Variants in RHBDD1 observed in about 807,000 individuals in gnomAD.
RHBDD1 encodes the protein rhomboid domain containing 1.
Under a neutral mutation model 36.3 loss-of-function variants are expected in RHBDD1, and 38 were observed. The ratio of observed to expected loss-of-function variants is 1.05; its 90% CI spans 0.81 to 1.37. The LOEUF (loss-of-function observed/expected upper bound fraction) is 1.37. RHBDD1 is among the 40% of genes most tolerant of loss of function. The pLI is 0.00. For missense variants in RHBDD1, 393 were observed against 377.6 expected, an observed-to-expected ratio of 1.04 and a Z score of -0.34; for synonymous variants, 151 against 136.5, an observed-to-expected ratio of 1.11 and a Z score of -0.74.
intron 8 of RHBDD1, among the ~76,000 whole-genome samples, chr2:226,917,876 T>C (rs1391201590): frequency 6.6e-6 from 1 of 151,876 alleles, no homozygotes; most frequent in Non-Finnish European, 1.5e-5. Context: ...AATAAATAAT[T>C]TTAAAAAGAA....
chr2:226,989,165 T>G (rs761175380), intron 8 of RHBDD1, among the ~76,000 whole-genome samples: 4 of 152,228 alleles, frequency 2.6e-5, no homozygotes, highest in Non-Finnish European at 4.4e-5. Context: ...CTTAAAATCT[T>G]TAAGCCTCAA....
the RHBDD1 span, among the ~76,000 whole-genome samples, chr2:226,813,413 T>G: frequency 1.3e-5 from 2 of 152,156 alleles, no homozygotes; most frequent in African/African-American, 4.8e-5. Context: ...CTTGTGGTTT[T>G]GGGGGATGGC....
intron 5 of RHBDD1, among the ~76,000 whole-genome samples, chr2:226,885,670 A>G (rs1165608262): frequency 6.6e-6 from 1 of 152,224 alleles, no homozygotes; most frequent in Non-Finnish European, 1.5e-5. Flanking sequence ...TTGTGGAATT[A>G]TTGGTATTAT....
At chr2:226,896,938 G>A (rs1421808639) in intron 5 of RHBDD1, among the ~76,000 whole-genome samples, 1 of 152,008 alleles carries the variant, frequency 6.6e-6, no homozygotes, top group Non-Finnish European at 1.5e-5. Context: ...AAGTAGCTGG[G>A]ACAACAGGCA....
chr2:226,912,565 A>C (rs1280981517), intron 7 of RHBDD1, among the ~76,000 whole-genome samples: 1 of 152,192 alleles, frequency 6.6e-6, no homozygotes, highest in African/African-American at 2.4e-5. Context: ...AAAATTGATG[A>C]ACCTGGAAAA....
At chr2:226,988,531 T>C in intron 8 of RHBDD1, 1 of 1,467,690 alleles carries the variant, frequency 6.8e-7, no homozygotes, top group African/African-American at 1.4e-5. Context: ...CTGCCCGCAC[T>C]GTGCCAGGCT....
chr2:226,974,050 G>A (rs1038194919), intron 8 of RHBDD1, among the ~76,000 whole-genome samples: 2 of 152,048 alleles, frequency 1.3e-5, no homozygotes, highest in Non-Finnish European at 2.9e-5. Flanking sequence ...AGTTTGTCAG[G>A]CTTTGACAGA....
intron 3 of RHBDD1, among the ~76,000 whole-genome samples, chr2:226,858,567 G>A (rs1943544457): frequency 6.6e-6 from 1 of 152,148 alleles, no homozygotes; most frequent in African/African-American, 2.4e-5. Context: ...TCTGGAAATT[G>A]AGATATATAC....
chr2:226,815,902 TTAAAG>T, the RHBDD1 span, among the ~76,000 whole-genome samples: 4,624 of 152,318 alleles, frequency 0.03, 214 homozygotes, highest in African/African-American at 0.099. Context: ...CCTTTAGACA[TTAAAG>T]TAAAGTTGGA....
At chr2:226,883,394 AG>A (rs1375442294) in intron 5 of RHBDD1, among the ~76,000 whole-genome samples, 1 of 152,238 alleles carries the variant, frequency 6.6e-6, no homozygotes, top group East Asian at 1.9e-4. Flanking sequence ...TACCAACCAG[AG>A]GGGGCCAGCC....
At chr2:226,945,803 A>G (rs879762806) in intron 8 of RHBDD1, among the ~76,000 whole-genome samples, 1 of 152,124 alleles carries the variant, frequency 6.6e-6, no homozygotes, top group Non-Finnish European at 1.5e-5. Flanking sequence ...GTTTCTCCAC[A>G]TCCTCTCCAG....
chr2:226,990,764 A>G (rs1958007592), intron 8 of RHBDD1, among the ~76,000 whole-genome samples: 1 of 152,216 alleles, frequency 6.6e-6, no homozygotes, highest in Admixed American at 6.5e-5. Flanking sequence ...GAGGTAAATC[A>G]TCTTAACACG....
chr2:226,935,718 A>G (rs1460755374), intron 8 of RHBDD1, among the ~76,000 whole-genome samples: 2 of 152,036 alleles, frequency 1.3e-5, no homozygotes, highest in Non-Finnish European at 2.9e-5. Flanking sequence ...GAACATAGCT[A>G]AAAAGAGATG....
At chr2:226,883,237 A>G (rs1251917663) in intron 5 of RHBDD1, among the ~76,000 whole-genome samples, 7 of 152,234 alleles carry the variant, frequency 4.6e-5, no homozygotes, top group African/African-American at 1.7e-4. Context: ...AATTAGCCAC[A>G]TGGCGTGATT....
chr2:226,948,348 A>G (rs1328610642), intron 8 of RHBDD1, among the ~76,000 whole-genome samples: 1 of 145,240 alleles, frequency 6.9e-6, no homozygotes. Context: ...ATTCTCACTC[A>G]TAGGTGGGAA....
intron 3 of RHBDD1, among the ~76,000 whole-genome samples, chr2:226,853,478 G>A (rs945957855): frequency 6.6e-5 from 10 of 152,342 alleles, no homozygotes; most frequent in Admixed American, 3.3e-4. Flanking sequence ...TAGGGGTCTC[G>A]CAAGGGTCAC....
intron 4 of RHBDD1, among the ~76,000 whole-genome samples, chr2:226,866,398 A>G (rs1021742231): frequency 6.6e-6 from 1 of 151,846 alleles, no homozygotes; most frequent in Non-Finnish European, 1.5e-5. Flanking sequence ...TTTTATTTGT[A>G]GTTTTTTTTC....
At chr2:226,880,391 T>G (rs1343166883) in intron 5 of RHBDD1, among the ~76,000 whole-genome samples, 1 of 152,226 alleles carries the variant, frequency 6.6e-6, no homozygotes, top group Non-Finnish European at 1.5e-5. Flanking sequence ...AAGAAAGAGT[T>G]AATTTGTCCT....
chr2:226,856,039 A>C (rs537955019), intron 3 of RHBDD1, among the ~76,000 whole-genome samples: 2 of 152,314 alleles, frequency 1.3e-5, no homozygotes, highest in Non-Finnish European at 2.9e-5. Flanking sequence ...CTAGTCATCA[A>C]ATAATTATGC....
Sources: gnomAD v4.1 joint callset for allele counts (sites outside exome capture counted in the v4.1 genomes callset) on GRCh38, gnomAD v4.1.1 for gene constraint, MANE v1.5 for transcripts, NCBI Gene and HGNC (gene_info 2026-07-23, HGNC 2026-07-21) for gene names.